CLYBL: variants seen among roughly 807,000 people sequenced by gnomAD.
CLYBL encodes citramalyl-CoA lyase.
In CLYBL, 31 loss-of-function variants were observed where a neutral mutation model predicts 38.9. That is an observed-to-expected ratio of 0.80 (90% confidence interval 0.60 to 1.08). The LOEUF is 1.08. Among genes scored for constraint, CLYBL ranks in the 50% least tolerant of loss-of-function variants. The pLI, the probability that CLYBL is intolerant of heterozygous loss-of-function variation, is 0.00. For missense variants in CLYBL, 434 were observed against 411.6 expected, an observed-to-expected ratio of 1.05 and a Z score of -0.47; for synonymous variants, 171 against 158.6, an observed-to-expected ratio of 1.08 and a Z score of -0.59.
intron 2 of CLYBL, among the ~76,000 whole-genome samples, chr13:99,824,972 C>T (rs1055739575): frequency 7.2e-5 from 11 of 152,296 alleles, no homozygotes; most frequent in Admixed American, 2.0e-4. Flanking sequence ...TGGGCAGAGG[C>T]CTCCCACTGA....
intron 2 of CLYBL, among the ~76,000 whole-genome samples, chr13:99,854,250 G>A (rs765078498): frequency 6.6e-6 from 1 of 151,976 alleles, no homozygotes; most frequent in Non-Finnish European, 1.5e-5. Flanking sequence ...GGTTTGAGTC[G>A]GGGGCTGGGA....
At chr13:99,786,357 T>C (rs2049794774) in intron 2 of CLYBL, among the ~76,000 whole-genome samples, 1 of 151,876 alleles carries the variant, frequency 6.6e-6, no homozygotes, top group Non-Finnish European at 1.5e-5. Context: ...CCCTTCCCCC[T>C]CCCCCAACCC....
chr13:99,723,639 G>A (rs187486656), intron 1 of CLYBL, among the ~76,000 whole-genome samples: 81 of 152,130 alleles, frequency 5.3e-4, no homozygotes, highest in African/African-American at 1.5e-3. Flanking sequence ...TTAAACCTTC[G>A]TATCCATGTT....
chr13:99,688,391 A>C (rs1050603947), intron 1 of CLYBL, among the ~76,000 whole-genome samples: 19 of 152,194 alleles, frequency 1.2e-4, no homozygotes, highest in African/African-American at 4.6e-4. Flanking sequence ...AAATAGTTGC[A>C]GGATATTACA....
At chr13:99,694,741 G>A (rs2047954359) in intron 1 of CLYBL, among the ~76,000 whole-genome samples, 3 of 152,312 alleles carry the variant, frequency 2.0e-5, no homozygotes, top group African/African-American at 7.2e-5. Flanking sequence ...AATTAAACAC[G>A]TTTTAAGAGT....
At chr13:99,779,352 A>C (rs2138827584) in intron 2 of CLYBL, among the ~76,000 whole-genome samples, 1 of 152,202 alleles carries the variant, frequency 6.6e-6, no homozygotes, top group East Asian at 1.9e-4. Context: ...CACGTTGGCC[A>C]GGCTGGTCTC....
intron 8 of CLYBL, chr13:99,892,071 T>A (rs1007012266): frequency 6.6e-6 from 1 of 152,176 alleles, no homozygotes; most frequent in African/African-American, 2.4e-5. Flanking sequence ...CCTGGGTGAA[T>A]GCTGTGAGTC....
At chr13:99,644,272 G>A (rs1161220990) in intron 1 of CLYBL, among the ~76,000 whole-genome samples, 1 of 152,044 alleles carries the variant, frequency 6.6e-6, no homozygotes, top group Non-Finnish European at 1.5e-5. Context: ...TATATATGGT[G>A]TATGTATGCA....
rs556625139 is a variant in CLYBL, at chr13:99,801,975, C to G, written c.249+28965C>G. 2.0e-5 allele frequency among the ~76,000 whole-genome samples: 3 copies of G among 152,278 alleles called. No homozygotes were observed. The East Asian group carries it at 5.8e-4, about 29-fold the overall frequency. ...AGGTTGCAGTGAGCCAAGATAGCAC[C>G]ATTGCACTCCAGCCTGGGCAACAAG... On this transcript the variant is annotated intron_variant, in intron 2 of 8. Coordinates refer to ENST00000339105, the MANE Select transcript of CLYBL (RefSeq NM_206808.5).
chr13:99,715,553 C>T (rs1318963430), intron 1 of CLYBL, among the ~76,000 whole-genome samples: 1 of 151,832 alleles, frequency 6.6e-6, no homozygotes, highest in African/African-American at 2.4e-5. Context: ...CAGGTGCATG[C>T]CACCATGCCT....
chr13:99,695,560 C>A (rs2047966411), intron 1 of CLYBL, among the ~76,000 whole-genome samples: 1 of 152,036 alleles, frequency 6.6e-6, no homozygotes, highest in Admixed American at 6.6e-5. Context: ...CCCTCTGTCG[C>A]CCAGGCTGGA....
In CLYBL at chr13:99,708,472, C is replaced by T. The variant is rs373835635; in HGVS notation, c.63-64352C>T. 4.6e-5 allele frequency among the ~76,000 whole-genome samples: 7 copies of T among 152,114 alleles called. 1 individual carries two copies. In the East Asian group the frequency reaches 7.7e-4, roughly 17 times the overall value. On this transcript the variant is annotated intron_variant, in intron 1 of 8. Coordinates refer to ENST00000339105, the MANE Select transcript of CLYBL (RefSeq NM_206808.5). ...CACTGAGATGATATAGTGGAATGGA[C>T]GGATAGTGGTTAGCCCCTTGGACCC...
At chr13:99,785,191 CTT>C (rs58550861) in intron 2 of CLYBL, among the ~76,000 whole-genome samples, 1,660 of 34,018 alleles carry the variant, frequency 0.049, 13 homozygotes, top group East Asian at 0.14. Context: ...CCCCGCCTGG[CTT>C]TTTTTTTTTT....
chr13:99,628,365 T>C (rs7995737), intron 1 of CLYBL, among the ~76,000 whole-genome samples: 99,856 of 152,062 alleles, frequency 0.66, 33,352 homozygotes, highest in East Asian at 0.89. Flanking sequence ...CTTTAAGTGA[T>C]ATAGTAGACC....
chr13:99,691,849 A>G (rs2047907851), intron 1 of CLYBL, among the ~76,000 whole-genome samples: 2 of 152,204 alleles, frequency 1.3e-5, no homozygotes, highest in African/African-American at 4.8e-5. Flanking sequence ...AAGGACAAAT[A>G]AATACAGAAG....
intron 8 of CLYBL, among the ~76,000 whole-genome samples, chr13:99,904,562 A>G (rs1044612990): frequency 1.3e-5 from 2 of 152,248 alleles, no homozygotes; most frequent in Non-Finnish European, 2.9e-5. Flanking sequence ...GTCTCATGCT[A>G]TAATTTTCGA....
chr13:99,709,729 C>T (rs1318719101), intron 1 of CLYBL, among the ~76,000 whole-genome samples: 1 of 151,962 alleles, frequency 6.6e-6, no homozygotes, highest in Non-Finnish European at 1.5e-5. Context: ...AGAGATTGCT[C>T]ACCTCCCTCC....
intron 1 of CLYBL, among the ~76,000 whole-genome samples, chr13:99,744,579 G>A (rs1029949382): frequency 1.3e-5 from 2 of 152,128 alleles, no homozygotes; most frequent in Non-Finnish European, 2.9e-5. Context: ...AGCCCTCTAG[G>A]ACCTGTACAA....
chr13:99,643,799 A>G (rs2047130583), intron 1 of CLYBL, among the ~76,000 whole-genome samples: 1 of 152,060 alleles, frequency 6.6e-6, no homozygotes, highest in Admixed American at 6.6e-5. Flanking sequence ...TGAGGTCAGG[A>G]GTTGCAGACC....
Sources: allele counts gnomAD v4.1 joint callset (sites outside exome capture counted in the v4.1 genomes callset), GRCh38; gene constraint gnomAD v4.1.1; transcripts MANE v1.5; gene names NCBI Gene and HGNC (gene_info 2026-07-23, HGNC 2026-07-21).